Variants in MMD2 observed in about 807,000 individuals in gnomAD.
The protein encoded by MMD2 is monocyte to macrophage differentiation factor 2.
In MMD2, 30 loss-of-function variants were observed where a neutral mutation model predicts 33.5. The observed-to-expected ratio is 0.90, with a 90% CI of 0.67 to 1.22. MMD2 has a LOEUF of 1.22. Among genes scored for constraint, MMD2 ranks in the 50% most tolerant of loss-of-function variants. The pLI, the probability that MMD2 is intolerant of heterozygous loss-of-function variation, is 0.00. For synonymous variants in MMD2, 129 were observed against 123.0 expected (o/e 1.05, Z -0.32); for missense variants, 364 against 325.4 (o/e 1.12, Z -0.91).
intron 1 of MMD2, among the ~76,000 whole-genome samples, chr7:4,954,567 T>C (rs1287861330): frequency 6.6e-6 from 1 of 151,814 alleles, no homozygotes; most frequent in Admixed American, 6.6e-5. Flanking sequence ...ACAGGCACAC[T>C]TCACCATGCC....
intron 1 of MMD2, among the ~76,000 whole-genome samples, chr7:4,930,883 C>T (rs1247610871): frequency 6.6e-6 from 1 of 152,130 alleles, no homozygotes; most frequent in African/African-American, 2.4e-5. Context: ...CCGAGTCTTG[C>T]TCTATCACCC....
At chr7:4,909,802 C>T in intron 6 of MMD2, 79 bp downstream of exon 6, 2 of 1,542,868 alleles carry the variant, frequency 1.3e-6, no homozygotes, top group East Asian at 2.4e-5. Flanking sequence ...GGGTTTGTGA[C>T]AATCTCAACA....
chr7:4,947,763 G>A (rs902234778), intron 1 of MMD2, among the ~76,000 whole-genome samples: 9 of 131,134 alleles, frequency 6.9e-5, no homozygotes, highest in East Asian at 2.5e-4. Flanking sequence ...ACAGTGGTGC[G>A]ATATCAGCTC....
intron 1 of MMD2, among the ~76,000 whole-genome samples, chr7:4,928,156 A>G (rs1031060590): frequency 3.3e-5 from 5 of 152,174 alleles, no homozygotes; most frequent in African/African-American, 1.2e-4. Flanking sequence ...CAATGGGGTT[A>G]AACTCCACTA....
the MMD2 span, among the ~76,000 whole-genome samples, chr7:4,893,745 G>A: frequency 6.6e-6 from 1 of 152,078 alleles, no homozygotes; most frequent in Non-Finnish European, 1.5e-5. Context: ...GAGTTTTCCA[G>A]GAAACGGATG....
At chr7:4,926,286 A>C (rs531563447) in intron 1 of MMD2, among the ~76,000 whole-genome samples, 1 of 151,706 alleles carries the variant, frequency 6.6e-6, no homozygotes, top group Non-Finnish European at 1.5e-5. Context: ...TTTTTTATAG[A>C]GACAGGGTTT....
intron 1 of MMD2, among the ~76,000 whole-genome samples, chr7:4,954,469 G>T (rs992639026): frequency 6.6e-6 from 1 of 151,864 alleles, no homozygotes; most frequent in African/African-American, 2.4e-5. Context: ...CCAGGCTGGA[G>T]TGCAGGAGCT....
Position 4,911,206 on chromosome 7 carries a change from G to T in MMD2, c.406C>A (p.Arg136Ser), listed in dbSNP as rs372830197. The T allele has an allele frequency of 6.2e-7, 1 of 1,602,056 alleles. No individual in the cohort carries two copies. Among genetic ancestry groups the T allele is most frequent in the Non-Finnish European group, 8.5e-7 (1 of 1,174,818 alleles). Residue 136 changes from arginine (R) to serine (S), a missense_variant, in exon 5 of 7, where the codon CGC becomes AGC. Coordinates refer to ENST00000401401, the MANE Select transcript of MMD2 (RefSeq NM_198403.4). ...GAAGCCATAATCCAGACCAGCCAGC[G>T]CATGTGGGAGGCCCAGGGGCCCAGC... The part of the protein sequence containing the change: ...RELGPWASHM[R>S]WLVWIMASVG...
intron 5 of MMD2, 105 bp downstream of exon 5, chr7:4,911,040 T>C: frequency 1.0e-6 from 1 of 971,356 alleles, no homozygotes; most frequent in Non-Finnish European, 1.6e-6. Flanking sequence ...AGCTGTGCTC[T>C]CACGATTATG....
intron 2 of MMD2, among the ~76,000 whole-genome samples, chr7:4,923,142 G>C (rs1308532839): frequency 6.7e-6 from 1 of 149,748 alleles, no homozygotes. Context: ...ATTCTGTCCT[G>C]CACTCAACTG....
intron 1 of MMD2, among the ~76,000 whole-genome samples, chr7:4,956,243 T>C (rs1371650459): frequency 6.6e-6 from 1 of 151,738 alleles, no homozygotes; most frequent in African/African-American, 2.4e-5. Context: ...GGCAACATAG[T>C]GAGACCCCAT....
intron 4 of MMD2, among the ~76,000 whole-genome samples, chr7:4,914,210 G>A (rs1388787823): frequency 1.3e-5 from 2 of 152,096 alleles, no homozygotes; most frequent in African/African-American, 4.8e-5. Flanking sequence ...CGTGACCATG[G>A]TGCCTATTGT....
Position 4,909,995 on chromosome 7 carries a change from A to C in MMD2, c.468-45T>G, listed in dbSNP as rs758471045. ...TGCCGGCCTTAGGACATGCCTCCCC[A>C]CGAAGAAACTGCACACAGCTCCCTG... On this transcript the variant is annotated intron_variant, in intron 5 of 6. Transcript: ENST00000401401. 24 of 1,613,852 alleles carry C rather than the reference A, an allele frequency of 1.5e-5. No homozygotes were observed. In the African/African-American group the frequency reaches 2.8e-4, roughly 19 times the overall value.
the MMD2 span, among the ~76,000 whole-genome samples, chr7:4,895,037 C>CTCAG: frequency 6.6e-6 from 1 of 151,686 alleles, no homozygotes; most frequent in African/African-American, 2.4e-5. Context: ...ATCCCCAACG[C>CTCAG]TCAGCCGCTT....
At chr7:4,910,229 T>C (rs1047375795) in intron 5 of MMD2, among the ~76,000 whole-genome samples, 2 of 152,234 alleles carry the variant, frequency 1.3e-5, no homozygotes, top group Middle Eastern at 6.8e-3. Context: ...ACATTGGGCA[T>C]AGCACACACA....
the MMD2 span, among the ~76,000 whole-genome samples, chr7:4,892,818 C>T: frequency 6.6e-6 from 1 of 151,718 alleles, no homozygotes; most frequent in South Asian, 2.1e-4. Context: ...TGGGTTCAAG[C>T]GATTCTTCTG....
intron 2 of MMD2, 25 bp from the exon 3 acceptor site, chr7:4,920,356 C>G (rs755084273): frequency 6.3e-7 from 1 of 1,596,004 alleles, no homozygotes; most frequent in Admixed American, 1.8e-5. Context: ...ACGGCAGGGA[C>G]AGGTGCAGCA....
At chr7:4,928,366 C>A (rs753221123) in intron 1 of MMD2, among the ~76,000 whole-genome samples, 1 of 151,736 alleles carries the variant, frequency 6.6e-6, no homozygotes, top group Non-Finnish European at 1.5e-5. Flanking sequence ...GCTGGCTCCA[C>A]GCTCATCAAG....
intron 1 of MMD2, among the ~76,000 whole-genome samples, chr7:4,936,810 G>A (rs1185512754): frequency 2.6e-5 from 4 of 151,844 alleles, no homozygotes; most frequent in African/African-American, 9.7e-5. Context: ...TCTCAGCTCA[G>A]TGCAACTTCC....
Sources: allele counts gnomAD v4.1 joint callset (sites outside exome capture counted in the v4.1 genomes callset), GRCh38; gene constraint gnomAD v4.1.1; transcripts MANE v1.5; gene names NCBI Gene and HGNC (gene_info 2026-07-23, HGNC 2026-07-21).